FUBP1: variants seen among roughly 807,000 people sequenced by gnomAD.
FUBP1 encodes far upstream element binding protein 1.
FUBP1 carries 16 observed loss-of-function variants against 94.9 expected under a neutral mutation model. The observed-to-expected ratio is 0.17, with a 90% confidence interval of 0.11 to 0.26. The LOEUF (loss-of-function observed/expected upper bound fraction) is 0.26, where lower values mean the gene tolerates loss of function less well. Ranked by LOEUF, FUBP1 falls within the 10% of genes least tolerant of loss-of-function variation. FUBP1 has a pLI of 1.00. For missense variants in FUBP1, 583 were observed against 808.6 expected, an observed-to-expected ratio of 0.72 and a Z score of 3.38; for synonymous variants, 279 against 254.9, an observed-to-expected ratio of 1.09 and a Z score of -0.90.
At chr1:77,956,327 G>C (rs1654451637) in intron 17 of FUBP1, among the ~76,000 whole-genome samples, 1 of 152,176 alleles carries the variant, frequency 6.6e-6, no homozygotes, top group African/African-American at 2.4e-5. Context: ...GTATGATATA[G>C]ATGGTAACAG....
At chr1:77,978,844 A>C (rs777788156) in intron 1 of FUBP1, 41 bp downstream of exon 1, 3 of 1,612,614 alleles carry the variant, frequency 1.9e-6, no homozygotes, top group African/African-American at 1.3e-5. Context: ...GCGGCCAATT[A>C]CCGTGAGCTT....
At position 77,963,604 on chromosome 1, in the gene FUBP1, T is replaced by A; in HGVS notation, c.1153A>T (p.Thr385Ser). Residue 385 changes from threonine to serine, a missense_variant, in exon 13 of 20, where the codon ACT becomes TCT. Coordinates refer to ENST00000370768, the MANE Select transcript of FUBP1 (RefSeq NM_003902.5). ...GLQEFNFIVPTGKTGLIIGKG... is the reference protein window; with the variant it reads ...GLQEFNFIVPSGKTGLIIGKG... ...CCTATTATTAATCCAGTTTTCCCAG[T>A]TGGCACAATAAAATTAAATTCCTGT... The A allele has an allele frequency of 6.3e-7, 1 of 1,594,276 alleles. No individual in the cohort carries two copies. The highest frequency in any genetic ancestry group is 8.6e-7 in the Non-Finnish European group (1 of 1,162,056).
At chr1:77,957,988 C>T (rs370085912) in intron 16 of FUBP1, among the ~76,000 whole-genome samples, 3 of 152,002 alleles carry the variant, frequency 2.0e-5, no homozygotes, top group Non-Finnish European at 2.9e-5. Flanking sequence ...GACAGGGTTT[C>T]GCCATGTTTG....
intron 5 of FUBP1, 35 bp downstream of exon 5, chr1:77,967,014 C>A (rs1656638217): frequency 6.5e-7 from 1 of 1,545,844 alleles, no homozygotes. Context: ...ATGTTTTGAT[C>A]ATGTTTTCAA....
intron 18 of FUBP1, among the ~76,000 whole-genome samples, chr1:77,951,087 A>G (rs1240784817): frequency 6.6e-6 from 1 of 152,228 alleles, no homozygotes; most frequent in East Asian, 1.9e-4. Context: ...TGGTGTGACA[A>G]TAGCAATAAA....
chr1:77,968,164 C>A lies in FUBP1; in HGVS notation c.250+1G>T. The A allele has an allele frequency of 6.6e-7, 1 of 1,518,548 alleles. No individual in the cohort carries two copies. Among genetic ancestry groups the A allele is most frequent in the Non-Finnish European group, 8.8e-7 (1 of 1,132,790 alleles). 94.1% of individuals were successfully genotyped at this position (1,518,548 alleles called of 1,614,324 possible). On this transcript the variant is annotated splice_donor_variant, in intron 3 of 19. Coordinates refer to ENST00000370768, the MANE Select transcript of FUBP1 (RefSeq NM_003902.5). LOFTEE classifies it high-confidence loss of function. ...TGACCCAGTTTAAAAGGAATACTTA[C>A]AGTCATTTTGAGGAGCAACTTTCTT...
chr1:77,974,547 C>T lies in FUBP1; in HGVS notation c.120+4338G>A, dbSNP rs1156901479. Among the ~76,000 whole-genome samples the T allele has an allele frequency of 5.9e-5, 9 of 152,142 alleles. No individual in the cohort carries two copies. In the East Asian group the frequency reaches 1.7e-3, roughly 29 times the overall value. Reference sequence around the variant, plus strand: ...GCTTCTCAAAACACTAGGATTACAGCCATGAGCCACCTTGGCTAGCTGATT... The same window carrying T: ...GCTTCTCAAAACACTAGGATTACAGTCATGAGCCACCTTGGCTAGCTGATT... On this transcript the variant is annotated intron_variant, in intron 1 of 19. Transcript: ENST00000370768.
rs539167724 is a variant in FUBP1, at chr1:77,949,257, C to T, written c.1824G>A (p.Gln608=). The T allele has an allele frequency of 6.2e-7, 1 of 1,613,818 alleles. No individual in the cohort carries two copies. Among genetic ancestry groups the T allele is most frequent in the Admixed American group, 1.7e-5 (1 of 60,020 alleles). ...CAGCCCAGGCTGCACTATAATCTGG[C>T]TGACCACCTGGAGGAGCCCCAGTCG... ...PAPTGAPPGG[Q]PDYSAAWAEY... Residue 608 remains glutamine (Q), a synonymous_variant, in exon 19 of 20, where the codon CAG becomes CAA. Coordinates refer to ENST00000370768, the MANE Select transcript of FUBP1 (RefSeq NM_003902.5).
Position 77,962,863 on chromosome 1 carries a change from T to C in FUBP1, c.1251A>G (p.Pro417=), listed in dbSNP as rs199866176. ...ACTTCATATTAGGATCTGCATTTGG[T>C]GGAGGATTTCTCTGAAGTTCTATTC... ...GARIELQRNP[P]PNADPNMKLF... The change falls in exon 14 of 20, where the codon CCA becomes CCG. Residue 417 remains proline (P), a synonymous_variant. Transcript: ENST00000370768. The C allele has an allele frequency of 1.5e-5, 24 of 1,612,304 alleles. 1 individual carries two copies. The East Asian group carries it at 4.9e-4, about 33-fold the overall frequency.
chr1:77,973,900 T>C (rs1044870893), intron 1 of FUBP1, among the ~76,000 whole-genome samples: 4 of 152,166 alleles, frequency 2.6e-5, no homozygotes, highest in Non-Finnish European at 5.9e-5. Flanking sequence ...AGTGTATTGT[T>C]GTAATTGTTC....
chr1:77,958,430 A>G (rs1654867586), intron 16 of FUBP1, among the ~76,000 whole-genome samples: 1 of 152,222 alleles, frequency 6.6e-6, no homozygotes, highest in Non-Finnish European at 1.5e-5. Context: ...ACCACTACAT[A>G]AATCCATTAA....
intron 18 of FUBP1, among the ~76,000 whole-genome samples, chr1:77,950,905 G>GA (rs987175496): frequency 5.3e-5 from 8 of 151,928 alleles, no homozygotes; most frequent in African/African-American, 1.2e-4. Flanking sequence ...AAAAATGCCT[G>GA]AAAAAAACCC....
rs753862358 is a variant in FUBP1, at chr1:77,966,793, A to G, written c.416-42T>C. On this transcript the variant is annotated intron_variant, in intron 6 of 19. Coordinates refer to ENST00000370768, the MANE Select transcript of FUBP1 (RefSeq NM_003902.5). The stretch of plus-strand genomic sequence containing the variant: ...ACAGATAACTTCAGGTCAAAAGATT[A>G]AAAGTAGCATTATTGTTACTAGAAG... 2.2e-6 allele frequency: 3 copies of G among 1,373,872 alleles called. No homozygotes were observed. In the East Asian group the frequency reaches 6.9e-5, roughly 31 times the overall value. 85.1% of individuals were successfully genotyped at this position (1,373,872 alleles called of 1,614,324 possible).
chr1:77,964,205 G>C (rs1394033646), intron 11 of FUBP1, 43 bp from the exon 12 acceptor site: 5 of 1,542,896 alleles, frequency 3.2e-6, no homozygotes, highest in Non-Finnish European at 3.6e-6. Context: ...ATAAATGTAT[G>C]TCAAAACTCA....
intron 2 of FUBP1, among the ~76,000 whole-genome samples, chr1:77,968,503 C>T (rs149391968): frequency 1.1e-3 from 169 of 151,974 alleles, no homozygotes; most frequent in Non-Finnish European, 1.7e-3. Context: ...ACTTTAGGTC[C>T]ATTACTAGCA....
intron 14 of FUBP1, among the ~76,000 whole-genome samples, chr1:77,961,971 A>T (rs1167631508): frequency 6.6e-6 from 1 of 152,190 alleles, no homozygotes; most frequent in Non-Finnish European, 1.5e-5. Flanking sequence ...TGACAGAAAC[A>T]GTGTCAACCT....
Position 77,948,472 on chromosome 1 carries a change from AG to A in FUBP1, c.*293del. 8.4e-7 allele frequency: 1 copy of A among 1,188,524 alleles called. No individual in the cohort carries two copies. The highest frequency in any genetic ancestry group is 3.8e-5 in the South Asian group (1 of 26,098). 73.6% of individuals were successfully genotyped at this position (1,188,524 alleles called of 1,614,324 possible). A position where few individuals can be genotyped will look rare whatever the true frequency, so the allele number is the denominator to read the frequency against. ...TAAAAGTGAAAGTATACATTGAAAAAGTACATTTATATCACAAAGCATCAAC... is the reference window on the plus strand; with the variant it reads ...TAAAAGTGAAAGTATACATTGAAAAATACATTTATATCACAAAGCATCAAC... On this transcript the variant is annotated 3_prime_UTR_variant, in exon 20 of 20. Coordinates refer to ENST00000370768, the MANE Select transcript of FUBP1 (RefSeq NM_003902.5).
At chr1:77,950,585 C>T (rs1231975541) in intron 18 of FUBP1, among the ~76,000 whole-genome samples, 1 of 152,134 alleles carries the variant, frequency 6.6e-6, no homozygotes, top group Non-Finnish European at 1.5e-5. Flanking sequence ...GTGTCTGATG[C>T]CTTATTTCCC....
chr1:77,953,800 A>C (rs1653948778), intron 18 of FUBP1, among the ~76,000 whole-genome samples: 1 of 152,208 alleles, frequency 6.6e-6, no homozygotes, highest in South Asian at 2.1e-4. Context: ...AAAACAAAAA[A>C]GACTAAACAG....
Sources: gnomAD v4.1 joint callset for allele counts (sites outside exome capture counted in the v4.1 genomes callset) on GRCh38, gnomAD v4.1.1 for gene constraint, MANE v1.5 for transcripts, NCBI Gene and HGNC (gene_info 2026-07-23, HGNC 2026-07-21) for gene names.